STRN3: variants seen among roughly 807,000 people sequenced by gnomAD.
STRN3 encodes the protein striatin 3.
STRN3 carries 29 observed loss-of-function variants against 95.6 expected under a neutral mutation model. The observed-to-expected ratio is 0.30, with a 90% CI of 0.23 to 0.41. The LOEUF is 0.41. Ranked by LOEUF, STRN3 falls within the 10% of genes least tolerant of loss-of-function variation. STRN3 has a pLI of 1.00. For synonymous variants in STRN3, 331 were observed against 357.6 expected, an observed-to-expected ratio of 0.93 and a Z score of 0.84; for missense variants, 890 against 972.1, an observed-to-expected ratio of 0.92 and a Z score of 1.12.
At chr14:30,934,545 TTC>T (rs966061172) in intron 7 of STRN3, among the ~76,000 whole-genome samples, 50 of 152,280 alleles carry the variant, frequency 3.3e-4, no homozygotes, top group African/African-American at 1.2e-3. Flanking sequence ...GAGAATGGTT[TTC>T]TCTTAGTTAT....
chr14:31,000,264 A>G (rs1882383060), intron 1 of STRN3, among the ~76,000 whole-genome samples: 1 of 147,806 alleles, frequency 6.8e-6, no homozygotes, highest in Admixed American at 6.8e-5. Context: ...GGCGGGGGGG[A>G]GTCTTTTTTT....
intron 1 of STRN3, among the ~76,000 whole-genome samples, chr14:30,974,372 G>A (rs1236987201): frequency 6.6e-6 from 1 of 151,998 alleles, no homozygotes; most frequent in African/African-American, 2.4e-5. Flanking sequence ...GGATGTGAAA[G>A]ACTTATATAA....
At chr14:30,998,420 G>A (rs1354714386) in intron 1 of STRN3, among the ~76,000 whole-genome samples, 2 of 152,180 alleles carry the variant, frequency 1.3e-5, no homozygotes. Context: ...ATATTCCTGA[G>A]AACCTAGAAG....
At chr14:30,917,660 C>T (rs982257303) in intron 9 of STRN3, among the ~76,000 whole-genome samples, 1 of 151,288 alleles carries the variant, frequency 6.6e-6, no homozygotes, top group Non-Finnish European at 1.5e-5. Context: ...TTAACAGACA[C>T]TATTTTATTT....
At chr14:30,980,206 T>C (rs971463411) in intron 1 of STRN3, among the ~76,000 whole-genome samples, 8 of 150,902 alleles carry the variant, frequency 5.3e-5, no homozygotes, top group African/African-American at 1.7e-4. Flanking sequence ...GATTGTACCA[T>C]TGCACTACAG....
At chr14:30,913,439 TATTA>T in intron 10 of STRN3, 81 bp downstream of exon 10, 2 of 1,343,738 alleles carry the variant, frequency 1.5e-6, no homozygotes, top group Non-Finnish European at 2.0e-6. Context: ...TGCACCTTGA[TATTA>T]ATTCTGTTTT....
intron 1 of STRN3, among the ~76,000 whole-genome samples, chr14:31,020,003 G>A (rs867048491): frequency 2.6e-5 from 4 of 151,636 alleles, no homozygotes; most frequent in African/African-American, 9.7e-5. Flanking sequence ...GATTACAAGC[G>A]TGAGACACCA....
chr14:30,987,412 C>T (rs1329441502), intron 1 of STRN3, among the ~76,000 whole-genome samples: 1 of 152,052 alleles, frequency 6.6e-6, no homozygotes, highest in African/African-American at 2.4e-5. Flanking sequence ...GAGGCTGAGG[C>T]AGGAGAATGG....
chr14:31,014,412 G>A (rs1156402233), intron 1 of STRN3, among the ~76,000 whole-genome samples: 1 of 151,932 alleles, frequency 6.6e-6, no homozygotes, highest in Non-Finnish European at 1.5e-5. Context: ...AGTAAAGACG[G>A]GGTTTCACCA....
chr14:31,016,604 C>T (rs576788914), intron 1 of STRN3, among the ~76,000 whole-genome samples: 8 of 152,124 alleles, frequency 5.3e-5, no homozygotes, highest in African/African-American at 7.2e-5. Context: ...AGTGCAGTGG[C>T]GCGATCTCGA....
intron 13 of STRN3, 114 bp downstream of exon 13, chr14:30,910,927 G>T: frequency 8.7e-7 from 1 of 1,152,686 alleles, no homozygotes; most frequent in South Asian, 2.0e-5. Context: ...GCAAATGGAA[G>T]AACTAAATGA....
At chr14:30,939,925 T>C (rs11847622) in intron 5 of STRN3, among the ~76,000 whole-genome samples, 154 of 152,288 alleles carry the variant, frequency 1.0e-3, no homozygotes, top group African/African-American at 3.6e-3. Flanking sequence ...TAATATTCCA[T>C]GGTTACACTG....
chr14:30,922,774 G>A (rs374734866), intron 8 of STRN3, among the ~76,000 whole-genome samples: 1 of 152,100 alleles, frequency 6.6e-6, no homozygotes. Flanking sequence ...TAAGACAATT[G>A]TTGTCTTAAA....
chr14:30,961,762 C>T (rs1222088611), intron 1 of STRN3, among the ~76,000 whole-genome samples: 1 of 152,170 alleles, frequency 6.6e-6, no homozygotes, highest in Non-Finnish European at 1.5e-5. Flanking sequence ...GGCCACCAGC[C>T]AGGCTAATTT....
intron 8 of STRN3, among the ~76,000 whole-genome samples, chr14:30,924,161 A>G (rs1344233104): frequency 6.7e-6 from 1 of 149,044 alleles, no homozygotes; most frequent in Admixed American, 6.7e-5. Flanking sequence ...TTAAATATAT[A>G]CTAATATATT....
intron 5 of STRN3, among the ~76,000 whole-genome samples, chr14:30,944,206 C>G (rs1326291793): frequency 2.6e-5 from 4 of 151,894 alleles, no homozygotes; most frequent in Non-Finnish European, 4.4e-5. Context: ...GTATGGCAAA[C>G]CTGTATTGCT....
In STRN3 at chr14:30,947,086, A is replaced by G; in HGVS notation, c.716+4T>C. 1 of 1,581,944 alleles carries G rather than the reference A, an allele frequency of 6.3e-7. No homozygotes were observed. The highest frequency in any genetic ancestry group is 8.6e-7 in the Non-Finnish European group (1 of 1,166,120). On this transcript the variant is annotated splice_donor_region_variant and intron_variant, in intron 5 of 17. Transcript: ENST00000357479. The stretch of plus-strand genomic sequence containing the variant: ...ATATAAACTATGTTAAGTATAAATC[A>G]TACCTTTTTATTTCTTGTCCCTTTT...
intron 1 of STRN3, among the ~76,000 whole-genome samples, chr14:30,957,601 C>T (rs1345496275): frequency 2.6e-5 from 4 of 152,112 alleles, no homozygotes; most frequent in Non-Finnish European, 2.9e-5. Flanking sequence ...ATTCCATTAC[C>T]TCATTGCTTT....
At chr14:30,935,576 A>G (rs1167409163) in intron 6 of STRN3, among the ~76,000 whole-genome samples, 1 of 152,216 alleles carries the variant, frequency 6.6e-6, no homozygotes, top group Admixed American at 6.5e-5. Flanking sequence ...GTACATTCAC[A>G]GTTAGTCCTC....
Sources: allele counts gnomAD v4.1 joint callset (sites outside exome capture counted in the v4.1 genomes callset), GRCh38; gene constraint gnomAD v4.1.1; transcripts MANE v1.5; gene names NCBI Gene and HGNC (gene_info 2026-07-23, HGNC 2026-07-21).